ATOH8: variants seen among roughly 807,000 people sequenced by gnomAD.
ATOH8 encodes the protein transcription factor ATOH8.
Under a neutral mutation model 21.2 loss-of-function variants are expected in ATOH8, and 9 were observed. That is an observed-to-expected ratio of 0.42 (90% CI 0.26 to 0.74). ATOH8 has a LOEUF of 0.74. Among genes scored for constraint, ATOH8 ranks in the 30% least tolerant of loss-of-function variants. ATOH8 has a pLI of 0.24. For synonymous variants in ATOH8, 253 were observed against 224.0 expected (o/e 1.13, Z -1.16); for missense variants, 524 against 470.9 (o/e 1.11, Z -1.04).
intron 1 of ATOH8, 68 bp downstream of exon 1, chr2:85,755,025 C>T: frequency 6.7e-7 from 1 of 1,489,084 alleles, no homozygotes; most frequent in Non-Finnish European, 8.9e-7. Context: ...GGGCGAGTGG[C>T]CGGGGCGGGA....
chr2:85,769,004 T>C (rs1680102975), intron 2 of ATOH8, among the ~76,000 whole-genome samples: 1 of 152,184 alleles, frequency 6.6e-6, no homozygotes, highest in Admixed American at 6.5e-5. Flanking sequence ...GGGCCACTTT[T>C]CCACAGCTCC....
chr2:85,786,192 C>G (rs184774095), intron 2 of ATOH8, among the ~76,000 whole-genome samples: 1 of 152,230 alleles, frequency 6.6e-6, no homozygotes, highest in African/African-American at 2.4e-5. Flanking sequence ...CCCAGGCTCT[C>G]TGTTGGAAGG....
chr2:85,787,019 C>A lies in ATOH8; in HGVS notation c.*129C>A. On this transcript the variant is annotated 3_prime_UTR_variant, in exon 3 of 3. Transcript: ENST00000306279. Reference sequence around the variant, plus strand: ...TGCCGCCAGATGCCCAGCCTACAGCCTCTCAGGGTCGGATCGGAGCACGCC... The same window carrying A: ...TGCCGCCAGATGCCCAGCCTACAGCATCTCAGGGTCGGATCGGAGCACGCC... The A allele has an allele frequency of 7.9e-7, 1 of 1,272,934 alleles. No individual in the cohort carries two copies. The highest frequency in any genetic ancestry group is 1.3e-5 in the South Asian group (1 of 77,586). 78.9% of individuals were successfully genotyped at this position (1,272,934 alleles called of 1,614,324 possible). A position where few individuals can be genotyped will look rare whatever the true frequency, so the allele number is the denominator to read the frequency against.
Position 85,754,780 on chromosome 2 carries a change from C to T in ATOH8, c.591C>T (p.His197=), listed in dbSNP as rs1469530185. 1.9e-6 allele frequency: 3 copies of T among 1,613,008 alleles called. No homozygotes were observed. The highest frequency in any genetic ancestry group is 1.7e-6 in the Non-Finnish European group (2 of 1,179,872). The part of the protein sequence containing the change: ...PGESSYSSIS[H]VIYNNHQDSS... ...AAAGTTCCTACTCGTCAATTTCACA[C>T]GTAATTTACAATAACCACCAGGATT... Residue 197 remains histidine, a synonymous_variant, in exon 1 of 3, where the codon CAC becomes CAT. Transcript: ENST00000306279.
At chr2:85,760,169 C>T (rs760630011) in intron 1 of ATOH8, among the ~76,000 whole-genome samples, 2 of 151,888 alleles carry the variant, frequency 1.3e-5, no homozygotes, top group Non-Finnish European at 2.9e-5. Flanking sequence ...TGGGACCTTG[C>T]GAAAATGCCA....
In ATOH8 at chr2:85,754,846, C is replaced by T. The variant is rs570685156; in HGVS notation, c.657C>T (p.Ala219=). ...GGAAACGACCGGGCGAAGCGACTGC[C>T]GCCTCCTCCGAGATCAAAGCCCTGC... ...SPRKRPGEAT[A]ASSEIKALQQ... is the part of the protein sequence containing the mutation. Residue 219 remains alanine, a synonymous_variant, in exon 1 of 3, where the codon GCC becomes GCT. Transcript: ENST00000306279. The T allele has an allele frequency of 6.2e-6, 10 of 1,612,382 alleles. No homozygotes were observed. The Admixed American group carries it at 6.7e-5, about 11-fold the overall frequency.
At chr2:85,778,090 T>C (rs554794434) in intron 2 of ATOH8, among the ~76,000 whole-genome samples, 1 of 152,374 alleles carries the variant, frequency 6.6e-6, no homozygotes, top group East Asian at 1.9e-4. Flanking sequence ...TTGTGTTCTT[T>C]AATCTTCCTG....
intron 2 of ATOH8, among the ~76,000 whole-genome samples, chr2:85,769,740 G>C (rs1273939225): frequency 6.6e-6 from 1 of 152,108 alleles, no homozygotes; most frequent in Non-Finnish European, 1.5e-5. Context: ...CCCAGGCCTC[G>C]GACAGGATCC....
chr2:85,776,472 G>T (rs563430442), intron 2 of ATOH8, among the ~76,000 whole-genome samples: 1 of 152,354 alleles, frequency 6.6e-6, no homozygotes, highest in East Asian at 1.9e-4. Flanking sequence ...GAGGGTCACT[G>T]GAGGCCACTG....
chr2:85,780,754 C>CCA (rs1680460715), intron 2 of ATOH8, among the ~76,000 whole-genome samples: 1 of 152,246 alleles, frequency 6.6e-6, no homozygotes, highest in African/African-American at 2.4e-5. Context: ...TCACTAAAGG[C>CCA]TCTGGCCATA....
At chr2:85,782,149 A>T (rs1680513035) in intron 2 of ATOH8, among the ~76,000 whole-genome samples, 1 of 152,232 alleles carries the variant, frequency 6.6e-6, no homozygotes, top group African/African-American at 2.4e-5. Context: ...TTTTAGTTTT[A>T]AAATAACATT....
chr2:85,754,335 C>A lies in ATOH8; in HGVS notation c.146C>A (p.Ala49Glu), dbSNP rs369633118. 7.6e-5 allele frequency: 122 copies of A among 1,608,310 alleles called. No homozygotes were observed. The highest frequency in any genetic ancestry group is 8.5e-6 in the Non-Finnish European group (10 of 1,178,206). Residue 49 changes from alanine to glutamate, a missense_variant, in exon 1 of 3, where the codon GCG becomes GAG. Transcript: ENST00000306279. ...GYKTFRLDLE[A>E]PEPRAVATNG... ...AAAACTTTCCGACTGGACTTGGAAGCGCCCGAGCCCCGCGCCGTAGCCACC... is the reference window on the plus strand; with the variant it reads ...AAAACTTTCCGACTGGACTTGGAAGAGCCCGAGCCCCGCGCCGTAGCCACC...
At chr2:85,771,002 C>A (rs1285169979) in intron 2 of ATOH8, among the ~76,000 whole-genome samples, 1 of 152,092 alleles carries the variant, frequency 6.6e-6, no homozygotes, top group Admixed American at 6.5e-5. Flanking sequence ...AGAGAACCCC[C>A]TGGGGCACCT....
intron 2 of ATOH8, among the ~76,000 whole-genome samples, chr2:85,781,790 A>G (rs1573538066): frequency 6.6e-6 from 1 of 151,784 alleles, no homozygotes; most frequent in South Asian, 2.1e-4. Context: ...ATTGGGGAGA[A>G]TCACCTGAGC....
At chr2:85,776,792 A>G (rs1042907749) in intron 2 of ATOH8, among the ~76,000 whole-genome samples, 2 of 152,142 alleles carry the variant, frequency 1.3e-5, no homozygotes, top group Non-Finnish European at 2.9e-5. Flanking sequence ...AGCTGGGCAC[A>G]TGTTGGGCAG....
chr2:85,775,421 T>C (rs377148948), intron 2 of ATOH8, among the ~76,000 whole-genome samples: 26 of 152,180 alleles, frequency 1.7e-4, no homozygotes, highest in Admixed American at 4.6e-4. Context: ...TGTGCTCCAG[T>C]TGGGCTCATA....
chr2:85,764,340 A>G (rs1679948789), intron 2 of ATOH8, among the ~76,000 whole-genome samples, 158 bp downstream of exon 2: 4 of 152,180 alleles, frequency 2.6e-5, no homozygotes, highest in Admixed American at 2.6e-4. Context: ...GTGCTCCTCA[A>G]ATCCCTGGGA....
At chr2:85,763,569 T>C (rs916086312) in intron 1 of ATOH8, among the ~76,000 whole-genome samples, 2 of 152,146 alleles carry the variant, frequency 1.3e-5, no homozygotes, top group Admixed American at 6.5e-5. Context: ...TCATTCATTG[T>C]TGCACTCCCC....
At chr2:85,758,044 C>T (rs963027977) in intron 1 of ATOH8, among the ~76,000 whole-genome samples, 2 of 152,168 alleles carry the variant, frequency 1.3e-5, no homozygotes, top group Non-Finnish European at 2.9e-5. Context: ...ACCTCTGTCT[C>T]CCAAAGTGCT....
Sources: allele counts gnomAD v4.1 joint callset (sites outside exome capture counted in the v4.1 genomes callset), GRCh38; gene constraint gnomAD v4.1.1; transcripts MANE v1.5; gene names NCBI Gene and HGNC (gene_info 2026-07-23, HGNC 2026-07-21).